Variants in RIMS1 observed in about 807,000 individuals in gnomAD.
The protein encoded by RIMS1 is regulating synaptic membrane exocytosis protein 1.
Under a neutral mutation model 214.1 loss-of-function variants are expected in RIMS1, and 83 were observed. That is an observed-to-expected ratio of 0.39 (90% CI 0.32 to 0.47). The LOEUF is 0.47. Among genes scored for constraint, RIMS1 ranks in the 20% least tolerant of loss-of-function variants. RIMS1 has a pLI of 0.99. For missense variants in RIMS1, 2,050 were observed against 2,161.8 expected, an observed-to-expected ratio of 0.95 and a Z score of 1.03; for synonymous variants, 793 against 786.8, an observed-to-expected ratio of 1.01 and a Z score of -0.13.
At chr6:71,887,321 C>A in intron 1 of RIMS1, 134 bp downstream of exon 1, 2 of 1,170,750 alleles carry the variant, frequency 1.7e-6, no homozygotes, top group Non-Finnish European at 2.4e-6. Flanking sequence ...AGGCGCCCGC[C>A]TTGGGCCAGG....
intron 1 of RIMS1, among the ~76,000 whole-genome samples, chr6:71,918,818 T>C (rs986174825): frequency 2.6e-5 from 4 of 152,080 alleles, no homozygotes; most frequent in Non-Finnish European, 2.9e-5. Context: ...GTAAATTAAA[T>C]GGGTACAGAC....
At chr6:71,939,303 C>T (rs1162768439) in intron 1 of RIMS1, among the ~76,000 whole-genome samples, 2 of 152,190 alleles carry the variant, frequency 1.3e-5, no homozygotes, top group Non-Finnish European at 2.9e-5. Flanking sequence ...CAGCTCTCCT[C>T]TCCTAAGCTC....
In RIMS1 at chr6:71,886,884, TGC is replaced by T; in HGVS notation, c.-139_-138del. The T allele has an allele frequency of 1.2e-6, 1 of 869,418 alleles. No homozygotes were observed. The highest frequency in any genetic ancestry group is 1.8e-6 in the Non-Finnish European group (1 of 561,090). 53.9% of individuals were successfully genotyped at this position (869,418 alleles called of 1,614,324 possible). On this transcript the variant is annotated 5_prime_UTR_variant, in exon 1 of 34. The change creates a premature stop within an existing upstream ORF in the 5' untranslated region. Coordinates refer to ENST00000521978, the MANE Select transcript of RIMS1 (RefSeq NM_014989.7). ...TCCCCGGCTCTGCTGCTGCTGCTGC[TGC>T]CGCCGCCGCCGCTGCTCCTCCTCCT...
intron 28 of RIMS1, among the ~76,000 whole-genome samples, chr6:72,324,027 CATAGATAGATAGATAGATAG>C (rs70994121): frequency 2.7e-5 from 4 of 145,994 alleles, no homozygotes; most frequent in South Asian, 2.2e-4. Context: ...TGCATGCATG[CATAGATAGATAGATAGATAG>C]ATAGATAGAT....
intron 10 of RIMS1, among the ~76,000 whole-genome samples, chr6:72,244,601 A>G (rs1184474097): frequency 1.3e-5 from 2 of 151,866 alleles, no homozygotes; most frequent in African/African-American, 4.8e-5. Flanking sequence ...AGCAGAATAT[A>G]TAGTTTTTTC....
intron 30 of RIMS1, among the ~76,000 whole-genome samples, chr6:72,392,315 C>A (rs1285917764): frequency 1.3e-5 from 2 of 152,136 alleles, no homozygotes; most frequent in Non-Finnish European, 2.9e-5. Context: ...AAATTATTGG[C>A]CACTTTAAAA....
intron 1 of RIMS1, among the ~76,000 whole-genome samples, chr6:71,907,787 T>C (rs1231724130): frequency 6.6e-6 from 1 of 152,206 alleles, no homozygotes; most frequent in Non-Finnish European, 1.5e-5. Context: ...ATCAAGTGCA[T>C]GGAACAAAGA....
At chr6:72,138,002 C>CT (rs2041578259) in intron 4 of RIMS1, among the ~76,000 whole-genome samples, 1 of 152,102 alleles carries the variant, frequency 6.6e-6, no homozygotes, top group Non-Finnish European at 1.5e-5. Flanking sequence ...TCCCCAAGTG[C>CT]TGAGATTACA....
chr6:72,093,003 A>ACTGAAT, intron 2 of RIMS1, among the ~76,000 whole-genome samples: 1 of 152,216 alleles, frequency 6.6e-6, no homozygotes, highest in East Asian at 1.9e-4. Context: ...ATGAGACAGA[A>ACTGAAT]CTGAATCTGA....
At chr6:72,248,727 A>G (rs911611805) in intron 12 of RIMS1, among the ~76,000 whole-genome samples, 2 of 152,142 alleles carry the variant, frequency 1.3e-5, no homozygotes, top group African/African-American at 4.8e-5. Context: ...ACTTCAAACT[A>G]TTTGTTTCAA....
chr6:72,395,792 T>C (rs2098767502), intron 31 of RIMS1, among the ~76,000 whole-genome samples: 1 of 151,910 alleles, frequency 6.6e-6, no homozygotes, highest in South Asian at 2.1e-4. Flanking sequence ...TTTAAGGTAA[T>C]GATATCCCAA....
chr6:72,277,441 G>A (rs768616778), intron 23 of RIMS1, among the ~76,000 whole-genome samples: 47 of 152,108 alleles, frequency 3.1e-4, no homozygotes, highest in Non-Finnish European at 5.3e-4. Context: ...AATTAGCTGG[G>A]CGCGGTGGCA....
intron 4 of RIMS1, among the ~76,000 whole-genome samples, chr6:72,152,841 TATATGGA>T (rs1399720581): frequency 1.2e-4 from 10 of 83,912 alleles, no homozygotes; most frequent in East Asian, 3.8e-4. Context: ...TATATATGTA[TATATGGA>T]ATATATGTAT....
intron 6 of RIMS1, among the ~76,000 whole-genome samples, chr6:72,222,693 A>G (rs1403595291): frequency 1.3e-5 from 2 of 152,186 alleles, no homozygotes; most frequent in Non-Finnish European, 2.9e-5. Flanking sequence ...ATTAAAGTTT[A>G]TCTCATCAGA....
In RIMS1 at chr6:72,141,892, G is replaced by A. The variant is rs1308768858; in HGVS notation, c.472-37683G>A. On this transcript the variant is annotated intron_variant, in intron 4 of 33. Coordinates refer to ENST00000521978, the MANE Select transcript of RIMS1 (RefSeq NM_014989.7). ...TAAATGTAGTTTCCTTTCCTAGAAA[G>A]TAACAGGTATTGAATTAGGTGGCCT... Among the ~76,000 whole-genome samples the A allele has an allele frequency of 7.9e-5, 12 of 152,070 alleles. No individual in the cohort carries two copies. In the East Asian group the frequency reaches 2.1e-3, roughly 27 times the overall value.
chr6:72,225,962 A>G (rs1312809881), intron 6 of RIMS1, among the ~76,000 whole-genome samples: 2 of 152,138 alleles, frequency 1.3e-5, no homozygotes, highest in Non-Finnish European at 2.9e-5. Context: ...ATTCTTCTCC[A>G]AACTGTTTTG....
intron 1 of RIMS1, among the ~76,000 whole-genome samples, chr6:71,937,663 G>C (rs1185840997): frequency 6.6e-6 from 1 of 152,126 alleles, no homozygotes; most frequent in Non-Finnish European, 1.5e-5. Context: ...ACATGAGACA[G>C]AGAGGGAAAA....
intron 26 of RIMS1, among the ~76,000 whole-genome samples, chr6:72,298,763 T>TCCTCCCTTTC (rs1449566563): frequency 6.6e-6 from 1 of 151,902 alleles, no homozygotes; most frequent in East Asian, 1.9e-4. Context: ...ACTTAGTTTC[T>TCCTCCCTTTC]CCTCCCTTTC....
rs1166302356 is a variant in RIMS1, at chr6:72,182,726, G to A, written c.1255G>A (p.Ala419Thr). 1 of 1,534,006 alleles carries A rather than the reference G, an allele frequency of 6.5e-7. No individual in the cohort carries two copies. The highest frequency in any genetic ancestry group is 1.2e-5 in the South Asian group (1 of 83,436). ...CAAACGCGCGCCGGCGGCAGCCAGG[G>A]CCTCGCCGCCGGACTCGCCGCGGGC... ...AGKRAPAAAR[A>T]SPPDSPRAYS... is the part of the protein sequence containing the mutation. Residue 419 changes from alanine to threonine, a missense_variant, in exon 6 of 34, where the codon GCC (alanine) becomes ACC (threonine). Coordinates refer to ENST00000521978, the MANE Select transcript of RIMS1 (RefSeq NM_014989.7).
Sources: allele counts gnomAD v4.1 joint callset (sites outside exome capture counted in the v4.1 genomes callset), GRCh38; gene constraint gnomAD v4.1.1; transcripts MANE v1.5; gene names NCBI Gene and HGNC (gene_info 2026-07-23, HGNC 2026-07-21).